The following CHD1 variants were observed in gnomAD, a reference collection of about 807,000 sequenced individuals.
CHD1 encodes the protein chromodomain helicase DNA binding protein 1.
In CHD1, 36 loss-of-function variants were observed where a neutral mutation model predicts 224.2. The observed-to-expected ratio is 0.16, with a 90% CI of 0.12 to 0.21. The LOEUF (loss-of-function observed/expected upper bound fraction) is 0.21, where lower values mean the gene tolerates loss of function less well. Ranked by LOEUF, CHD1 falls within the 10% of genes least tolerant of loss-of-function variation. The probability of loss-of-function intolerance (pLI) is 1.00; values close to 1 mark genes in which losing one functional copy is unlikely to be tolerated. For missense variants in CHD1, 1,378 were observed against 1,994.8 expected, an observed-to-expected ratio of 0.69 and a Z score of 5.89; for synonymous variants, 668 against 658.3, an observed-to-expected ratio of 1.01 and a Z score of -0.23.
At chr5:98,901,366 T>C in intron 5 of CHD1, 31 bp from the exon 6 acceptor site, 1 of 1,574,776 alleles carries the variant, frequency 6.4e-7, no homozygotes, top group Non-Finnish European at 8.6e-7. Context: ...GTATTTTTAT[T>C]TGTACTTATA....
intron 20 of CHD1, among the ~76,000 whole-genome samples, chr5:98,881,655 G>T (rs530822924): frequency 2.0e-5 from 3 of 152,152 alleles, no homozygotes; most frequent in African/African-American, 4.8e-5. Flanking sequence ...GACTACAGTT[G>T]TGTGTCACCA....
Position 98,900,989 on chromosome 5 carries a change from A to C in CHD1, c.681T>G (p.Asn227Lys). 6.2e-7 allele frequency: 1 copy of C among 1,613,946 alleles called. No individual in the cohort carries two copies. The change falls in exon 7 of 36, where the codon AAT (asparagine) becomes AAG (lysine). Residue 227 changes from asparagine (N) to lysine (K), a missense_variant. By Grantham distance (94) the Asn-to-Lys change is moderately conservative. Coordinates refer to ENST00000614616, the MANE Select transcript of CHD1 (RefSeq NM_001270.4). ...CTTGGCGACGAGAACTTCTTTTATCATTATCATAATCTTCTTCATCATCAT... is the reference window on the plus strand; with the variant it reads ...CTTGGCGACGAGAACTTCTTTTATCCTTATCATAATCTTCTTCATCATCAT... ...EEDDDEEDYD[N>K]DKRSSRRQAT...
Position 98,881,105 on chromosome 5 carries a change from C to T in CHD1, c.3031G>A (p.Val1011Ile). ...AACTGGGAAAGCAATTCATCTCCTACAGTTAAAGGACCTGGTTCATTTTCA... is the reference window on the plus strand; with the variant it reads ...AACTGGGAAAGCAATTCATCTCCTATAGTTAAAGGACCTGGTTCATTTTCA... ...THENEPGPLTVGDELLSQFKV... is the reference protein window; with the variant it reads ...THENEPGPLTIGDELLSQFKV... The change falls in exon 22 of 36, where the codon GTA becomes ATA. Residue 1011 changes from valine (V) to isoleucine (I), a missense_variant. By Grantham distance (29) the Val-to-Ile change is conservative. This residue lies in a region of CHD1 where 286 missense variants were observed against 445.1 expected (regional missense o/e 0.64). Coordinates refer to ENST00000614616, the MANE Select transcript of CHD1 (RefSeq NM_001270.4). 6.2e-7 allele frequency: 1 copy of T among 1,610,808 alleles called. No homozygotes were observed. Among genetic ancestry groups the T allele is most frequent in the Non-Finnish European group, 8.5e-7 (1 of 1,178,024 alleles).
At position 98,912,822 on chromosome 5, in the gene CHD1, GTTAT is replaced by G. The variant is rs1214954541; in HGVS notation, c.54-7728_54-7725del. Reference sequence around the variant, plus strand: ...CAGCTTATACCAAAGCCTTAGATCTGTTATTTATTTTCAATTATATAACATATAC... The same window carrying G: ...CAGCTTATACCAAAGCCTTAGATCTGTTATTTTCAATTATATAACATATAC... On this transcript the variant is annotated intron_variant, in intron 2 of 35. Coordinates refer to ENST00000614616, the MANE Select transcript of CHD1 (RefSeq NM_001270.4). 3.9e-5 allele frequency among the ~76,000 whole-genome samples: 6 copies of G among 152,238 alleles called. No homozygotes were observed. The South Asian group carries it at 1.0e-3, about 26-fold the overall frequency.
chr5:98,885,796 C>T, intron 17 of CHD1, 147 bp from the exon 18 acceptor site: 2 of 580,016 alleles, frequency 3.4e-6, no homozygotes, highest in Non-Finnish European at 6.1e-6. Flanking sequence ...TAAAATAATG[C>T]TCAGGCATTC....
chr5:98,907,927 C>T (rs1752153489), intron 2 of CHD1, among the ~76,000 whole-genome samples: 2 of 151,546 alleles, frequency 1.3e-5, no homozygotes, highest in Non-Finnish European at 2.9e-5. Flanking sequence ...ATACATGGGG[C>T]CAGAAAAAAA....
intron 23 of CHD1, among the ~76,000 whole-genome samples, chr5:98,877,420 A>T (rs1422343532): frequency 1.3e-5 from 2 of 152,218 alleles, no homozygotes; most frequent in Non-Finnish European, 2.9e-5. Context: ...GGATGAACAG[A>T]TTGATTAGCT....
At chr5:98,868,137 T>C (rs2112291500) in intron 31 of CHD1, among the ~76,000 whole-genome samples, 1 of 151,820 alleles carries the variant, frequency 6.6e-6, no homozygotes, top group East Asian at 2.0e-4. Context: ...GAGACCAGCC[T>C]GGGTGACATA....
Position 98,902,059 on chromosome 5 carries a change from T to C in CHD1, c.438-724A>G, listed in dbSNP as rs554401499. ...ATAAAATCTGCTTATGATAAAAACATAGTAGAAGCAAATTTTTTACTTTGA... is the reference window on the plus strand; with the variant it reads ...ATAAAATCTGCTTATGATAAAAACACAGTAGAAGCAAATTTTTTACTTTGA... On this transcript the variant is annotated intron_variant, in intron 5 of 35. Transcript: ENST00000614616. Among the ~76,000 whole-genome samples the C allele has an allele frequency of 8.5e-5, 13 of 152,122 alleles. No homozygotes were observed. The South Asian group carries it at 1.9e-3, about 22-fold the overall frequency.
Position 98,869,780 on chromosome 5 carries a change from C to T in CHD1, c.4081G>A (p.Glu1361Lys). ...IKSDSSPLPS[E>K]KSDEDDDKLS... ...TTATCATCATCTTCATCAGACTTCT[C>T]TGAAGGCAGAGGAGAAGAATCACTC... Residue 1361 changes from glutamate (E) to lysine (K), a missense_variant, in exon 30 of 36, where the codon GAG (glutamate) becomes AAG (lysine). By Grantham distance (56) the Glu-to-Lys change is moderately conservative. This residue lies in a region of CHD1 where 105 missense variants were observed against 93.4 expected (regional missense o/e 1.12). Coordinates refer to ENST00000614616, the MANE Select transcript of CHD1 (RefSeq NM_001270.4). 4 of 1,613,620 alleles carry T rather than the reference C, an allele frequency of 2.5e-6. No homozygotes were observed. Among genetic ancestry groups the T allele is most frequent in the Non-Finnish European group, 2.5e-6 (3 of 1,179,688 alleles).
chr5:98,927,482 G>A (rs867212594), intron 1 of CHD1, among the ~76,000 whole-genome samples: 42 of 152,210 alleles, frequency 2.8e-4, no homozygotes, highest in Middle Eastern at 3.4e-3. Flanking sequence ...ACAAGAGAGG[G>A]AGGGAAACAG....
chr5:98,885,638 TC>T lies in CHD1; in HGVS notation c.2507del (p.Gly836AspfsTer3). 6.3e-7 allele frequency: 1 copy of T among 1,585,780 alleles called. No homozygotes were observed. Among genetic ancestry groups the T allele is most frequent in the African/African-American group, 1.4e-5 (1 of 73,770 alleles). On this transcript the variant is annotated frameshift_variant, in exon 18 of 36. Coordinates refer to ENST00000614616, the MANE Select transcript of CHD1 (RefSeq NM_001270.4). LOFTEE classifies it high-confidence loss of function. ...YRQFPFQRLD[G>X]SIKGELRKQA... Reference sequence around the variant, plus strand: ...GTTTCCTCAGTTCTCCTTTTATTGATCCATCTAATCTCTAGAAAAAAACACA... The same window carrying T: ...GTTTCCTCAGTTCTCCTTTTATTGATCATCTAATCTCTAGAAAAAAACACA...
chr5:98,856,467 T>G lies in CHD1; in HGVS notation c.5046A>C (p.Arg1682Ser), dbSNP rs748248071. ...ATGGAGATCTGGAGCCATAAGGAGATCTCTGATCTAGTGGTGACCTAGGGC... is the reference window on the plus strand; with the variant it reads ...ATGGAGATCTGGAGCCATAAGGAGAGCTCTGATCTAGTGGTGACCTAGGGC... ...SSGPRSPLDQ[R>S]SPYGSRSPFE... is the part of the protein sequence containing the mutation. The change falls in exon 36 of 36, where the codon AGA (arginine) becomes AGC (serine). Residue 1682 changes from arginine to serine, a missense_variant. By Grantham distance (110) the Arg-to-Ser change is moderately radical (BLOSUM62 -1). Transcript: ENST00000614616. 6.3e-7 allele frequency: 1 copy of G among 1,599,798 alleles called. No homozygotes were observed. The highest frequency in any genetic ancestry group is 8.6e-7 in the Non-Finnish European group (1 of 1,167,486).
In CHD1 at chr5:98,893,434, T is replaced by C. The variant is rs745856680; in HGVS notation, c.1973A>G (p.His658Arg). Residue 658 changes from histidine to arginine, a missense_variant, in exon 14 of 36, where the codon CAT becomes CGT. By Grantham distance (29) the His-to-Arg change is conservative (BLOSUM62 0). Coordinates refer to ENST00000614616, the MANE Select transcript of CHD1 (RefSeq NM_001270.4). Reference sequence around the variant, plus strand: ...GTCTTACTTTTCTGGCATAATGAAATGTAGCAAAGACCAGAGCTCTTTGAG... The same window carrying C: ...GTCTTACTTTTCTGGCATAATGAAACGTAGCAAAGACCAGAGCTCTTTGAG... ...NSLKELWSLL[H>R]FIMPEKFSSW... 1 of 1,594,108 alleles carries C rather than the reference T, an allele frequency of 6.3e-7. No individual in the cohort carries two copies. The highest frequency in any genetic ancestry group is 8.5e-7 in the Non-Finnish European group (1 of 1,172,508).
chr5:98,877,265 G>A (rs1217675006), intron 23 of CHD1, among the ~76,000 whole-genome samples: 1 of 152,168 alleles, frequency 6.6e-6, no homozygotes, highest in Non-Finnish European at 1.5e-5. Context: ...AAATGGGGTT[G>A]TAGAATAATT....
chr5:98,908,164 T>C (rs1315491816), intron 2 of CHD1, among the ~76,000 whole-genome samples: 1 of 152,208 alleles, frequency 6.6e-6, no homozygotes, highest in Non-Finnish European at 1.5e-5. Flanking sequence ...CTTAAATCCC[T>C]AAGTTCAAGC....
intron 9 of CHD1, 67 bp from the exon 10 acceptor site, chr5:98,898,501 T>A (rs1177140031): frequency 6.6e-6 from 9 of 1,363,332 alleles, no homozygotes; most frequent in Non-Finnish European, 7.8e-6. Flanking sequence ...AGATACATAA[T>A]TCTTAGTAAA....
rs2112493920 is a variant in CHD1, at chr5:98,896,389, G to A, written c.1547C>T (p.Thr516Met). Residue 516 changes from threonine (T) to methionine (M), a missense_variant, in exon 12 of 36, where the codon ACG becomes ATG. By Grantham distance (81) the Thr-to-Met change is moderately conservative. Coordinates refer to ENST00000614616, the MANE Select transcript of CHD1 (RefSeq NM_001270.4). ...AAACAAATAATTCAGAAATGAGATC[G>A]TCTGTATTGTTTTTCCAAGGCCCAT... ...DEMGLGKTIQ[T>M]ISFLNYLFHE... 6 of 1,613,842 alleles carry A rather than the reference G, an allele frequency of 3.7e-6. No homozygotes were observed. Among genetic ancestry groups the A allele is most frequent in the Non-Finnish European group, 5.1e-6 (6 of 1,179,890 alleles).
At chr5:98,881,684 A>G (rs1186385215) in intron 20 of CHD1, among the ~76,000 whole-genome samples, 3 of 151,956 alleles carry the variant, frequency 2.0e-5, no homozygotes, top group Non-Finnish European at 4.4e-5. Context: ...TAAGTTTTTT[A>G]TTTTTTGCAG....
Sources: allele counts gnomAD v4.1 joint callset (sites outside exome capture counted in the v4.1 genomes callset), GRCh38; gene constraint gnomAD v4.1.1; regional missense constraint gnomAD v4.1.1; transcripts MANE v1.5; gene names NCBI Gene and HGNC (gene_info 2026-07-23, HGNC 2026-07-21).